MAPKBP1: variants seen among roughly 807,000 people sequenced by gnomAD.
The protein encoded by MAPKBP1 is mitogen-activated protein kinase binding protein 1.
Under a neutral mutation model 170.5 loss-of-function variants are expected in MAPKBP1, and 71 were observed. The ratio of observed to expected loss-of-function variants is 0.42; its 90% CI spans 0.34 to 0.51. MAPKBP1 has a LOEUF of 0.51. Among genes scored for constraint, MAPKBP1 ranks in the 20% least tolerant of loss-of-function variants. The pLI is 0.06. For missense variants in MAPKBP1, 1,598 were observed against 1,933.0 expected (o/e 0.83, Z 3.25); for synonymous variants, 719 against 757.9 (o/e 0.95, Z 0.84).
rs1000578177 is a variant in MAPKBP1, at chr15:41,814,578, A to G, written c.1009A>G (p.Arg337Gly). 1.2e-6 allele frequency: 2 copies of G among 1,613,916 alleles called. No homozygotes were observed. Among genetic ancestry groups the G allele is most frequent in the Non-Finnish European group, 8.5e-7 (1 of 1,180,010 alleles). ...CCTCTTCTCTGGAGTGGCGAATGCC[A>G]GGTATCCAGACACCATTGCCTTGAC... ...SRLFSGVANA[R>G]YPDTIALTFD... The change falls in exon 10 of 31, where the codon AGG becomes GGG. Residue 337 changes from arginine to glycine, a missense_variant. By Grantham distance (125) the Arg-to-Gly change is moderately radical. This residue lies in a region of MAPKBP1 where 430 missense variants were observed against 617.2 expected (regional missense o/e 0.70). Coordinates refer to ENST00000457542, the MANE Select transcript of MAPKBP1 (RefSeq NM_014994.3).
At position 41,817,303 on chromosome 15, in the gene MAPKBP1, G is replaced by C; in HGVS notation, c.1712-85G>C. ...CCCTGGCATGTAGAGTAGCTTGATG[G>C]GGGATCTCATGGAGGGAAGGTGGGA... On this transcript the variant is annotated intron_variant, in intron 14 of 30. Transcript: ENST00000457542. The surrounding 1 kb of genome is among the most constrained non-coding windows in gnomAD (Gnocchi z 4.2). 7.1e-7 allele frequency: 1 copy of C among 1,409,872 alleles called. No homozygotes were observed. The highest frequency in any genetic ancestry group is 1.2e-5 in the South Asian group (1 of 86,496). The allele number at this position is 1,409,872 out of a possible 1,614,324, so 87.3% of individuals were successfully genotyped here.
rs770144742 is a variant in MAPKBP1 at position 41,818,347 on chromosome 15, G to A, written c.2092+42G>A. On this transcript the variant is annotated intron_variant, in intron 18 of 30. Transcript: ENST00000457542. The surrounding 1 kb of genome is among the most constrained non-coding windows in gnomAD (Gnocchi z 5.2). ...TCCCCGAGTAGAAGCTGATACCTGCGTAAACCTGAGTGAGTTCCACCCCTG... is the reference window on the plus strand; with the variant it reads ...TCCCCGAGTAGAAGCTGATACCTGCATAAACCTGAGTGAGTTCCACCCCTG... 8.5e-6 allele frequency: 13 copies of A among 1,533,954 alleles called. No individual in the cohort carries two copies. Among genetic ancestry groups the A allele is most frequent in the Middle Eastern group, 1.7e-4 (1 of 5,932 alleles).
chr15:41,778,292 C>T (rs374042565), intron 2 of MAPKBP1, among the ~76,000 whole-genome samples: 18 of 152,238 alleles, frequency 1.2e-4, no homozygotes, highest in East Asian at 3.9e-4. Flanking sequence ...ATCAAAACTA[C>T]GATTAATAAA....
intron 3 of MAPKBP1, among the ~76,000 whole-genome samples, chr15:41,810,350 C>G (rs1371361762): frequency 1.3e-5 from 2 of 152,016 alleles, no homozygotes; most frequent in African/African-American, 2.4e-5. Context: ...TCCAGGGAAC[C>G]CTTTCACCCT....
chr15:41,805,303 C>T (rs1218332821), intron 3 of MAPKBP1, among the ~76,000 whole-genome samples: 1 of 152,210 alleles, frequency 6.6e-6, no homozygotes, highest in African/African-American at 2.4e-5. Flanking sequence ...GGATGCCAGA[C>T]AGCCCCTTTG....
At position 41,817,906 on chromosome 15, in the gene MAPKBP1, C is replaced by T; in HGVS notation, c.1905-103C>T. ...GTAGCCTGTTTGCTGCTGGGGGTAGCTCCCAGAGAGTGTAGACTGGGAGTG... is the reference window on the plus strand; with the variant it reads ...GTAGCCTGTTTGCTGCTGGGGGTAGTTCCCAGAGAGTGTAGACTGGGAGTG... On this transcript the variant is annotated intron_variant, in intron 16 of 30. Transcript: ENST00000457542. The surrounding 1 kb of genome is among the most constrained non-coding windows in gnomAD (Gnocchi z 4.2). 1 of 1,522,950 alleles carries T rather than the reference C, an allele frequency of 6.6e-7. No individual in the cohort carries two copies. The highest frequency in any genetic ancestry group is 9.1e-7 in the Non-Finnish European group (1 of 1,101,650). 94.3% of individuals were successfully genotyped at this position (1,522,950 alleles called of 1,614,324 possible).
At chr15:41,824,418 T>A (rs2065054051) in intron 29 of MAPKBP1, 66 bp from the exon 30 acceptor site, 1 of 1,424,742 alleles carries the variant, frequency 7.0e-7, no homozygotes. Context: ...GTTCTGAGTG[T>A]CTTGGGTGCG....
intron 2 of MAPKBP1, among the ~76,000 whole-genome samples, 164 bp from the exon 3 acceptor site, chr15:41,799,659 C>T (rs761465253): frequency 2.0e-5 from 3 of 152,182 alleles, no homozygotes; most frequent in South Asian, 2.1e-4. Context: ...TCAAGAAGCC[C>T]GGTGGGCAGA....
rs1333920910 is a variant in MAPKBP1, at chr15:41,822,650, T to A, written c.3287T>A (p.Leu1096Gln). ...TCTCGGAGTATCTCTTCACGATTCC[T>A]GTTGCAAGTACAGACCCGCCCACTC... ...SESRSISSRF[L>Q]LQVQTRPLRE... is the part of the protein sequence containing the mutation. Residue 1096 changes from leucine to glutamine, a missense_variant, in exon 27 of 31, where the codon CTG becomes CAG. This residue lies in a region of MAPKBP1 where 942 missense variants were observed against 953.2 expected (regional missense o/e 0.99). Coordinates refer to ENST00000457542, the MANE Select transcript of MAPKBP1 (RefSeq NM_014994.3). 1.2e-6 allele frequency: 2 copies of A among 1,614,108 alleles called. No homozygotes were observed. The highest frequency in any genetic ancestry group is 4.5e-5 in the East Asian group (2 of 44,880).
At position 41,813,491 on chromosome 15, in the gene MAPKBP1, A is replaced by C. The variant is rs551071021; in HGVS notation, c.820-130A>C. The C allele has an allele frequency of 4.9e-5, 70 of 1,417,636 alleles. 1 individual carries two copies. The South Asian group carries it at 7.9e-4, about 16-fold the overall frequency. The allele number at this position is 1,417,636 out of a possible 1,614,324, so 87.8% of individuals were successfully genotyped here. A position where few individuals can be genotyped will look rare whatever the true frequency, so the allele number is the denominator to read the frequency against. On this transcript the variant is annotated intron_variant, in intron 8 of 30. Coordinates refer to ENST00000457542, the MANE Select transcript of MAPKBP1 (RefSeq NM_014994.3). Reference sequence around the variant, plus strand: ...AGGGCTGAGGGGCTCAGAACAGGGCAGCTGGGCGGCTTTTCCCTTGCCCCT... The same window carrying C: ...AGGGCTGAGGGGCTCAGAACAGGGCCGCTGGGCGGCTTTTCCCTTGCCCCT...
intron 2 of MAPKBP1, among the ~76,000 whole-genome samples, chr15:41,794,700 T>C (rs1377117837): frequency 6.6e-6 from 1 of 152,206 alleles, no homozygotes; most frequent in African/African-American, 2.4e-5. Context: ...CAAGTGCCCA[T>C]TGTATGCCAG....
rs868858101 is a variant in MAPKBP1 at position 41,804,949 on chromosome 15, G to C, written c.206+5035G>C. 3.3e-5 allele frequency among the ~76,000 whole-genome samples: 5 copies of C among 152,318 alleles called. 1 individual carries two copies. The South Asian group carries it at 8.3e-4, about 25-fold the overall frequency. The stretch of plus-strand genomic sequence containing the variant: ...ACCAGATTCTGTGTGAGCACAAGCA[G>C]GTTCTTCACCTCCCTCCTTGTCTCC... On this transcript the variant is annotated intron_variant, in intron 3 of 30. Transcript: ENST00000457542.
intron 2 of MAPKBP1, among the ~76,000 whole-genome samples, chr15:41,781,710 A>G (rs2064192158): frequency 6.6e-6 from 1 of 152,182 alleles, no homozygotes; most frequent in Non-Finnish European, 1.5e-5. Flanking sequence ...AAGATCTTAG[A>G]ACAACCCTTT....
In MAPKBP1 at chr15:41,817,994, C is replaced by G. The variant is rs2064922553; in HGVS notation, c.1905-15C>G. The G allele has an allele frequency of 6.2e-7, 1 of 1,613,372 alleles. No homozygotes were observed. The highest frequency in any genetic ancestry group is 1.1e-5 in the South Asian group (1 of 91,070). The stretch of plus-strand genomic sequence containing the variant: ...TCACCGCCTCCTCATGAGAAAGAGA[C>G]TATGTTTCTTACAGGATATTTAACA... On this transcript the variant is annotated splice_polypyrimidine_tract_variant and intron_variant, in intron 16 of 30. Transcript: ENST00000457542. The surrounding 1 kb of genome is among the most constrained non-coding windows in gnomAD (Gnocchi z 4.2).
intron 2 of MAPKBP1, 66 bp downstream of exon 2, chr15:41,775,455 C>A: frequency 1.7e-6 from 2 of 1,170,014 alleles, no homozygotes; most frequent in African/African-American, 1.5e-5. Context: ...CCTCGTTAAC[C>A]TTCCTGTTTC....
rs2064061577 is a variant in MAPKBP1, at chr15:41,774,540, G to A, written c.-180G>A. 5.0e-6 allele frequency: 2 copies of A among 398,522 alleles called. No homozygotes were observed. The highest frequency in any genetic ancestry group is 1.3e-4 in the South Asian group (1 of 7,866). 24.7% of individuals were successfully genotyped at this position (398,522 alleles called of 1,614,324 possible). A position where few individuals can be genotyped will look rare whatever the true frequency, so the allele number is the denominator to read the frequency against. Reference sequence around the variant, plus strand: ...TGCCTCTACCGCTGCGGCTACCGCGGCGGAGCTGAAATTGCCGAACGCGAT... The same window carrying A: ...TGCCTCTACCGCTGCGGCTACCGCGACGGAGCTGAAATTGCCGAACGCGAT... On this transcript the variant is annotated 5_prime_UTR_variant, in exon 1 of 31. Coordinates refer to ENST00000457542, the MANE Select transcript of MAPKBP1 (RefSeq NM_014994.3).
chr15:41,788,354 T>C (rs1395041267), intron 2 of MAPKBP1, among the ~76,000 whole-genome samples: 2 of 152,206 alleles, frequency 1.3e-5, no homozygotes. Flanking sequence ...CATACAGTTA[T>C]ATGAGATACA....
Position 41,821,750 on chromosome 15 carries a change from G to C in MAPKBP1, c.2885G>C (p.Ser962Thr). ...EPSDNPTMDT[S>T]EFQVQAPARG... ...AGTGACAACCCCACCATGGATACCA[G>C]GCAAGGATCCTGCCCTAGCCAGACC... Residue 962 changes from serine to threonine, a missense_variant and splice_region_variant, in exon 24 of 31, where the codon AGT becomes ACT. By Grantham distance (58) the Ser-to-Thr change is moderately conservative. Transcript: ENST00000457542. 6.2e-7 allele frequency: 1 copy of C among 1,613,480 alleles called. No homozygotes were observed. The highest frequency in any genetic ancestry group is 8.5e-7 in the Non-Finnish European group (1 of 1,179,928).
At chr15:41,813,580 T>A in intron 8 of MAPKBP1, 41 bp from the exon 9 acceptor site, 1 of 1,603,832 alleles carries the variant, frequency 6.2e-7, no homozygotes, top group South Asian at 1.1e-5. Flanking sequence ...GAAGACTGAG[T>A]GGGCAGGTGG....
Sources: allele counts gnomAD v4.1 joint callset (sites outside exome capture counted in the v4.1 genomes callset), GRCh38; gene constraint gnomAD v4.1.1; regional missense constraint gnomAD v4.1.1; non-coding constraint Gnocchi (gnomAD v3.1); transcripts MANE v1.5; gene names NCBI Gene and HGNC (gene_info 2026-07-23, HGNC 2026-07-21).